The following WWOX variants were observed in gnomAD, a reference collection of about 807,000 sequenced individuals.
WWOX encodes the protein WW domain-containing oxidoreductase.
In WWOX, 69 loss-of-function variants were observed where a neutral mutation model predicts 46.2. That is an observed-to-expected ratio of 1.49 (90% CI 1.23 to 1.82). The LOEUF (loss-of-function observed/expected upper bound fraction) is 1.82. Among genes scored for constraint, WWOX ranks in the 40% most tolerant of loss-of-function variants. The pLI is 0.00. For synonymous variants in WWOX, 359 were observed against 202.6 expected, an observed-to-expected ratio of 1.77 and a Z score of -6.56; for missense variants, 919 against 542.6, an observed-to-expected ratio of 1.69 and a Z score of -6.89.
intron 8 of WWOX, among the ~76,000 whole-genome samples, chr16:79,151,204 G>C (rs546366895): frequency 2.0e-5 from 3 of 152,140 alleles, no homozygotes; most frequent in African/African-American, 7.2e-5. Context: ...CTCTTAAACA[G>C]CCAGCTATTC....
chr16:78,805,504 C>T (rs1043705019), intron 8 of WWOX, among the ~76,000 whole-genome samples: 16 of 151,778 alleles, frequency 1.1e-4, no homozygotes, highest in African/African-American at 2.7e-4. Context: ...AGGATGGTCT[C>T]GATTTCCTGA....
intron 8 of WWOX, among the ~76,000 whole-genome samples, chr16:78,851,562 A>G (rs1051016152): frequency 1.3e-5 from 2 of 152,148 alleles, no homozygotes; most frequent in African/African-American, 2.4e-5. Context: ...TTTATTTTCC[A>G]TCTTTCCCAC....
At chr16:78,487,027 G>A (rs1342031824) in intron 8 of WWOX, among the ~76,000 whole-genome samples, 2 of 152,126 alleles carry the variant, frequency 1.3e-5, no homozygotes, top group African/African-American at 4.8e-5. Context: ...ACAGCGAGCA[G>A]ACACATGTAC....
intron 8 of WWOX, among the ~76,000 whole-genome samples, chr16:78,659,099 A>C (rs1193185629): frequency 6.8e-6 from 1 of 147,092 alleles, no homozygotes; most frequent in Non-Finnish European, 1.5e-5. Flanking sequence ...CTCAAAAAAA[A>C]ACAAACAAAC....
intron 8 of WWOX, among the ~76,000 whole-genome samples, chr16:78,488,210 C>G (rs1051617069): frequency 2.0e-5 from 3 of 152,154 alleles, no homozygotes; most frequent in Non-Finnish European, 2.9e-5. Flanking sequence ...TTAGAGGAAG[C>G]TCTTTATCCT....
At chr16:78,154,632 A>G (rs1462498765) in intron 4 of WWOX, among the ~76,000 whole-genome samples, 1 of 151,430 alleles carries the variant, frequency 6.6e-6, no homozygotes, top group East Asian at 2.0e-4. Context: ...AGCTTGCACC[A>G]TGGGTTCAAG....
intron 8 of WWOX, chr16:78,873,375 C>T (rs1003412157): frequency 1.3e-5 from 2 of 152,142 alleles, no homozygotes; most frequent in African/African-American, 4.8e-5. Context: ...TCTCCTTATG[C>T]TGATTTTTTT....
At chr16:78,899,165 G>A (rs556788868) in intron 8 of WWOX, 3 of 151,956 alleles carry the variant, frequency 2.0e-5, no homozygotes, top group African/African-American at 7.2e-5. Flanking sequence ...GCTTTATTCA[G>A]GACTTCTCTA....
At chr16:78,242,357 A>G (rs1195382378) in intron 5 of WWOX, among the ~76,000 whole-genome samples, 1 of 152,212 alleles carries the variant, frequency 6.6e-6, no homozygotes, top group Non-Finnish European at 1.5e-5. Flanking sequence ...TGACCCAGTT[A>G]CTTTATAAAG....
chr16:78,809,371 T>G (rs1456798484), intron 8 of WWOX, among the ~76,000 whole-genome samples: 3 of 151,908 alleles, frequency 2.0e-5, no homozygotes, highest in Non-Finnish European at 2.9e-5. Context: ...AAAGCATTTT[T>G]CGAATGAAAA....
intron 3 of WWOX, among the ~76,000 whole-genome samples, chr16:78,113,000 C>G (rs774816023): frequency 2.0e-5 from 3 of 152,184 alleles, no homozygotes; most frequent in African/African-American, 7.2e-5. Context: ...GCGACCACAC[C>G]TGACTGAATT....
chr16:78,965,014 G>T (rs2046338930), intron 8 of WWOX, among the ~76,000 whole-genome samples: 1 of 152,196 alleles, frequency 6.6e-6, no homozygotes, highest in Admixed American at 6.5e-5. Context: ...GAAAATATAT[G>T]GAAACACCTG....
chr16:78,766,262 G>T (rs1246923469), intron 8 of WWOX, among the ~76,000 whole-genome samples: 1 of 152,188 alleles, frequency 6.6e-6, no homozygotes, highest in Non-Finnish European at 1.5e-5. Context: ...AGAAAGCCTT[G>T]CTCTTCGTCA....
At position 79,109,910 on chromosome 16, in the gene WWOX, G is replaced by A. The variant is rs1305652273; in HGVS notation, c.1057-101698G>A. ...TGCATGTTGGGGTTGTTTAGAAACAGAAACTTTGGAGTAGTATGTGAGCTT... is the reference window on the plus strand; with the variant it reads ...TGCATGTTGGGGTTGTTTAGAAACAAAAACTTTGGAGTAGTATGTGAGCTT... On this transcript the variant is annotated intron_variant, in intron 8 of 8. Transcript: ENST00000566780. 3.9e-5 allele frequency among the ~76,000 whole-genome samples: 6 copies of A among 152,210 alleles called. 1 individual carries two copies. The highest frequency in any genetic ancestry group is 2.1e-4 in the South Asian group (1 of 4,830).
intron 8 of WWOX, among the ~76,000 whole-genome samples, chr16:79,030,691 C>G (rs750148732): frequency 1.3e-5 from 2 of 152,154 alleles, no homozygotes; most frequent in Non-Finnish European, 2.9e-5. Context: ...TTGGGCTCAC[C>G]GCTGCTTGTA....
chr16:78,978,437 A>G (rs1266090294), intron 8 of WWOX, among the ~76,000 whole-genome samples: 2 of 152,208 alleles, frequency 1.3e-5, no homozygotes, highest in Non-Finnish European at 2.9e-5. Flanking sequence ...TGGCTGCACC[A>G]TGTTGCATTC....
At chr16:78,677,707 C>G (rs529502061) in intron 8 of WWOX, among the ~76,000 whole-genome samples, 1 of 152,256 alleles carries the variant, frequency 6.6e-6, no homozygotes, top group African/African-American at 2.4e-5. Context: ...GAACTCAGGT[C>G]TATAAAGCAT....
intron 8 of WWOX, among the ~76,000 whole-genome samples, chr16:78,510,342 A>G (rs1416051335): frequency 6.6e-6 from 1 of 152,038 alleles, no homozygotes; most frequent in African/African-American, 2.4e-5. Context: ...AGTACCTGGG[A>G]TTATAGACAC....
chr16:79,168,824 C>T (rs946427002), intron 8 of WWOX, among the ~76,000 whole-genome samples: 3 of 152,160 alleles, frequency 2.0e-5, no homozygotes, highest in African/African-American at 7.2e-5. Flanking sequence ...GACCAGAATT[C>T]ACTCTCTCCA....
Sources: allele counts gnomAD v4.1 joint callset (sites outside exome capture counted in the v4.1 genomes callset), GRCh38; gene constraint gnomAD v4.1.1; transcripts MANE v1.5; gene names NCBI Gene and HGNC (gene_info 2026-07-23, HGNC 2026-07-21).